The following AJAP1 variants were observed in gnomAD, a reference collection of about 807,000 sequenced individuals.
The protein encoded by AJAP1 is adherens junctions associated protein 1.
A neutral mutation model predicts 35.0 loss-of-function variants in AJAP1; 5 were observed. That is an observed-to-expected ratio of 0.14 (90% CI 0.07 to 0.30). AJAP1 has a LOEUF of 0.30. Among genes scored for constraint, AJAP1 ranks in the 10% least tolerant of loss-of-function variants. The probability of loss-of-function intolerance (pLI) is 1.00; values close to 1 mark genes in which losing one functional copy is unlikely to be tolerated. For synonymous variants in AJAP1, 284 were observed against 249.3 expected (o/e 1.14, Z -1.31); for missense variants, 586 against 571.0 (o/e 1.03, Z -0.27).
chr1:4,679,473 G>A (rs999053456), intron 1 of AJAP1, among the ~76,000 whole-genome samples: 2 of 152,158 alleles, frequency 1.3e-5, no homozygotes, highest in African/African-American at 2.4e-5. Context: ...CAGGCTGTCT[G>A]CATTAGATTA....
At chr1:4,704,037 G>A (rs189363186) in intron 1 of AJAP1, among the ~76,000 whole-genome samples, 222 of 152,254 alleles carry the variant, frequency 1.5e-3, no homozygotes, top group Middle Eastern at 6.8e-3. Context: ...AACATTGAAG[G>A]TAGGGGTTAA....
At chr1:4,718,036 C>T (rs191549405) in intron 2 of AJAP1, among the ~76,000 whole-genome samples, 1 of 152,230 alleles carries the variant, frequency 6.6e-6, no homozygotes, top group East Asian at 1.9e-4. Flanking sequence ...TGGAGCGCTG[C>T]AAAAGATCCT....
intron 2 of AJAP1, among the ~76,000 whole-genome samples, chr1:4,757,385 T>C (rs1487528899): frequency 6.6e-6 from 1 of 152,186 alleles, no homozygotes; most frequent in African/African-American, 2.4e-5. Context: ...CTGTCAGCTG[T>C]GGCCCATGGG....
At chr1:4,694,538 G>A (rs935616476) in intron 1 of AJAP1, among the ~76,000 whole-genome samples, 7 of 152,196 alleles carry the variant, frequency 4.6e-5, no homozygotes, top group Admixed American at 1.3e-4. Flanking sequence ...ATAAACTCCC[G>A]AGTGGTCCAG....
At chr1:4,744,627 A>C (rs1286757191) in intron 2 of AJAP1, among the ~76,000 whole-genome samples, 3 of 19,924 alleles carry the variant, frequency 1.5e-4, no homozygotes, top group African/African-American at 7.1e-4. Flanking sequence ...ATGCATATGC[A>C]CACACACACA....
At chr1:4,709,616 G>A (rs909881233) in intron 1 of AJAP1, among the ~76,000 whole-genome samples, 4 of 152,290 alleles carry the variant, frequency 2.6e-5, no homozygotes, top group African/African-American at 7.2e-5. Flanking sequence ...ATCCTCACTG[G>A]GTCACCTGCA....
At chr1:4,694,302 G>A (rs1245559566) in intron 1 of AJAP1, among the ~76,000 whole-genome samples, 1 of 152,164 alleles carries the variant, frequency 6.6e-6, no homozygotes, top group Admixed American at 6.6e-5. Context: ...TGAGCAGAGT[G>A]GGTGCTTATG....
At chr1:4,664,190 C>T (rs78173795) in intron 1 of AJAP1, among the ~76,000 whole-genome samples, 3,952 of 152,308 alleles carry the variant, frequency 0.026, 71 homozygotes, top group Non-Finnish European at 0.038. Flanking sequence ...CCCAGGCACT[C>T]AGCTCCAGCA....
intron 4 of AJAP1, 85 bp downstream of exon 4, chr1:4,772,610 C>G: frequency 1.9e-6 from 3 of 1,559,744 alleles, no homozygotes; most frequent in African/African-American, 2.7e-5. Context: ...GAGCTGAGAG[C>G]TGTTGGTCGG....
chr1:4,686,588 C>T (rs560603574), intron 1 of AJAP1, among the ~76,000 whole-genome samples: 19 of 152,364 alleles, frequency 1.2e-4, no homozygotes, highest in South Asian at 8.3e-4. Flanking sequence ...CATAAGCCCA[C>T]GCCAGCCTTC....
chr1:4,774,249 G>A (rs973902602), intron 4 of AJAP1, among the ~76,000 whole-genome samples, 178 bp from the exon 5 acceptor site: 1 of 152,208 alleles, frequency 6.6e-6, no homozygotes, highest in African/African-American at 2.4e-5. Flanking sequence ...TCGTGTGTGA[G>A]GACTTCTCCC....
Position 4,723,453 on chromosome 1 carries a change from G to A in AJAP1, c.829+10754G>A, listed in dbSNP as rs1005453947. 6.6e-6 allele frequency among the ~76,000 whole-genome samples: 1 copy of A among 152,200 alleles called. No individual in the cohort carries two copies. Among genetic ancestry groups the A allele is most frequent in the African/African-American group, 2.4e-5 (1 of 41,452 alleles). On this transcript the variant is annotated intron_variant, in intron 2 of 5. Coordinates refer to ENST00000378191, the MANE Select transcript of AJAP1 (RefSeq NM_018836.4). The surrounding 1 kb of genome is among the most constrained non-coding windows in gnomAD (Gnocchi z 4.3). ...AGCGGGGACTGCAAGAGGGGAGAAT[G>A]AAGGGGCAATTGGGGGTGATAAGGA...
rs181560834 is a variant in AJAP1, at chr1:4,791,393, G to T, written c.*8908G>T. The T allele has an allele frequency of 2.6e-5, 4 of 152,214 alleles. No individual in the cohort carries two copies. The highest frequency in any genetic ancestry group is 1.3e-4 in the Admixed American group (2 of 15,278). The allele number at this position is 152,214 out of a possible 1,614,324, so 9.4% of individuals were successfully genotyped here. A position where few individuals can be genotyped will look rare whatever the true frequency, so the allele number is the denominator to read the frequency against. ...AGAAAATACCAATAACCAAACAGAA[G>T]GGAAATGTCTGGAACCTTCCAGTTG... On this transcript the variant is annotated 3_prime_UTR_variant, in exon 6 of 6. Transcript: ENST00000378191.
At chr1:4,659,038 G>A (rs1343265887) in intron 1 of AJAP1, among the ~76,000 whole-genome samples, 1 of 152,212 alleles carries the variant, frequency 6.6e-6, no homozygotes, top group African/African-American at 2.4e-5. Context: ...CCTGGGTTCT[G>A]CATTTCCCTG....
chr1:4,744,603 G>A (rs1229981859), intron 2 of AJAP1, among the ~76,000 whole-genome samples: 1 of 147,712 alleles, frequency 6.8e-6, no homozygotes, highest in Non-Finnish European at 1.5e-5. Flanking sequence ...ACATGCACAT[G>A]CACACATGCC....
At chr1:4,769,799 C>A (rs369150387) in intron 2 of AJAP1, 54 bp from the exon 3 acceptor site, 3 of 1,496,478 alleles carry the variant, frequency 2.0e-6, no homozygotes, top group Non-Finnish European at 2.8e-6. Flanking sequence ...CGGCCCCCCT[C>A]GCCTCCTGAA....
At chr1:4,768,536 C>T (rs1360779145) in intron 2 of AJAP1, among the ~76,000 whole-genome samples, 1 of 152,234 alleles carries the variant, frequency 6.6e-6, no homozygotes, top group Non-Finnish European at 1.5e-5. Context: ...AAAATCTTGA[C>T]ACTGAAACCC....
intron 1 of AJAP1, among the ~76,000 whole-genome samples, chr1:4,671,249 A>G (rs1284518525): frequency 1.3e-5 from 2 of 152,048 alleles, no homozygotes; most frequent in African/African-American, 4.8e-5. Flanking sequence ...GGCGCCTGCA[A>G]TCCCAGCTAC....
intron 1 of AJAP1, among the ~76,000 whole-genome samples, chr1:4,697,976 G>T (rs1639904562): frequency 6.6e-6 from 1 of 152,222 alleles, no homozygotes; most frequent in Non-Finnish European, 1.5e-5. Flanking sequence ...ACCAGCGTGG[G>T]GTGGTGGCGG....
Sources: allele counts gnomAD v4.1 joint callset (sites outside exome capture counted in the v4.1 genomes callset), GRCh38; gene constraint gnomAD v4.1.1; non-coding constraint Gnocchi (gnomAD v3.1); transcripts MANE v1.5; gene names NCBI Gene and HGNC (gene_info 2026-07-23, HGNC 2026-07-21).